The following RFXANK variants were observed in gnomAD, a reference collection of about 807,000 sequenced individuals.
RFXANK encodes the protein DNA-binding protein RFXANK.
RFXANK carries 19 observed loss-of-function variants against 34.5 expected under a neutral mutation model. The ratio of observed to expected loss-of-function variants is 0.55; its 90% CI spans 0.38 to 0.81. The LOEUF (loss-of-function observed/expected upper bound fraction) is 0.81. RFXANK is among the 30% of genes least tolerant of loss of function. The probability of loss-of-function intolerance (pLI) is 0.00; values close to 1 mark genes in which losing one functional copy is unlikely to be tolerated. For synonymous variants in RFXANK, 154 were observed against 149.8 expected, an observed-to-expected ratio of 1.03 and a Z score of -0.20; for missense variants, 295 against 343.5, an observed-to-expected ratio of 0.86 and a Z score of 1.12.
In RFXANK at chr19:19,192,259, T is replaced by A. The variant is rs1188381094; in HGVS notation, c.-445T>A. On this transcript the variant is annotated 5_prime_UTR_variant, in exon 1 of 10. Coordinates refer to ENST00000303088, the MANE Select transcript of RFXANK (RefSeq NM_003721.4). ...GGCCCGCCCTCCCCGCTCCTCAGTC[T>A]TTGCGGACAAGAAAGGGGCTGTGTG... The A allele has an allele frequency of 8.9e-7, 1 of 1,125,390 alleles. No individual in the cohort carries two copies. Among genetic ancestry groups the A allele is most frequent in the East Asian group, 2.6e-5 (1 of 38,342 alleles). The allele number at this position is 1,125,390 out of a possible 1,614,324, so 69.7% of individuals were successfully genotyped here. A position where few individuals can be genotyped will look rare whatever the true frequency, so the allele number is the denominator to read the frequency against.
intron 9 of RFXANK, chr19:19,200,768 C>T (rs1286006884): frequency 6.5e-6 from 1 of 154,856 alleles, no homozygotes. Flanking sequence ...ATTACAAGTG[C>T]CTGCCACCAC....
At chr19:19,195,323 C>T (rs2060580937) in intron 3 of RFXANK, among the ~76,000 whole-genome samples, 1 of 148,926 alleles carries the variant, frequency 6.7e-6, no homozygotes, top group Admixed American at 6.7e-5. Flanking sequence ...CCTGGATCCC[C>T]TCTCTTCTTG....
chr19:19,194,545 T>G (rs1330728237), intron 3 of RFXANK, among the ~76,000 whole-genome samples: 1 of 152,104 alleles, frequency 6.6e-6, no homozygotes, highest in Non-Finnish European at 1.5e-5. Flanking sequence ...CTGTTTTTGT[T>G]TTTTGATACA....
In RFXANK at chr19:19,201,788, C is replaced by A; in HGVS notation, c.*69C>A. 1.2e-6 allele frequency: 2 copies of A among 1,613,366 alleles called. No individual in the cohort carries two copies. Among genetic ancestry groups the A allele is most frequent in the South Asian group, 2.2e-5 (2 of 91,052 alleles). On this transcript the variant is annotated 3_prime_UTR_variant, in exon 10 of 10. Transcript: ENST00000303088. ...CAGCCAGAGCTGGGGAAACCCAGAA[C>A]TGACTTCAAAGGCAGCTTCTGGACA...
rs978912398 is a variant in RFXANK, at chr19:19,200,175, CTTT to C, written c.712+958_712+960del. 2.2e-3 allele frequency among the ~76,000 whole-genome samples: 259 copies of C among 120,368 alleles called. 1 individual carries two copies. In the East Asian group the frequency reaches 0.024, roughly 11 times the overall value. 79.0% of individuals were successfully genotyped at this position (120,368 alleles called of 152,430 possible). A position where few individuals can be genotyped will look rare whatever the true frequency, so the allele number is the denominator to read the frequency against. ...ATGCCTGGCTAATTTTTTGTTGTTGCTTTTTTTTTTTTTTTTTTTGGACATGGA... is the reference window on the plus strand; with the variant it reads ...ATGCCTGGCTAATTTTTTGTTGTTGCTTTTTTTTTTTTTTTTGGACATGGA... On this transcript the variant is annotated intron_variant, in intron 9 of 9. Transcript: ENST00000303088.
chr19:19,195,060 C>CT (rs2060573601), intron 3 of RFXANK, among the ~76,000 whole-genome samples: 1 of 126,148 alleles, frequency 7.9e-6, no homozygotes. Context: ...TTCTTTCTTT[C>CT]TTTTTTTGAG....
Position 19,197,040 on chromosome 19 carries a change from C to T in RFXANK, c.265C>T (p.Leu89=). 6.2e-7 allele frequency: 1 copy of T among 1,613,598 alleles called. No individual in the cohort carries two copies. Among genetic ancestry groups the T allele is most frequent in the Non-Finnish European group, 8.5e-7 (1 of 1,179,998 alleles). Residue 89 remains leucine, a synonymous_variant, in exon 4 of 10, where the codon CTA becomes TTA. Coordinates refer to ENST00000303088, the MANE Select transcript of RFXANK (RefSeq NM_003721.4). ...GNEVSALPAT[L]DSLSIHQLAA... ...CGAGGTGTCAGCTCTGCCGGCCACC[C>T]TAGACTGTGAGTGGGCCCACGGTCC...
At chr19:19,195,546 T>G (rs1415790572) in intron 3 of RFXANK, among the ~76,000 whole-genome samples, 1 of 151,402 alleles carries the variant, frequency 6.6e-6, no homozygotes, top group Non-Finnish European at 1.5e-5. Context: ...CTCAGGTGAT[T>G]GCCCGCCTCG....
In RFXANK at chr19:19,192,412, C is replaced by A. The variant is rs1404226933; in HGVS notation, c.-292C>A. On this transcript the variant is annotated 5_prime_UTR_variant, in exon 1 of 10. Coordinates refer to ENST00000303088, the MANE Select transcript of RFXANK (RefSeq NM_003721.4). ...TCTCTCCCTTTCTGAACCCCCTTTT[C>A]CTTGAGAGACGAGTTGGGGGAGTCC... The A allele has an allele frequency of 5.7e-6, 3 of 523,742 alleles. No individual in the cohort carries two copies. In the African/African-American group the frequency reaches 5.8e-5, roughly 10 times the overall value. The allele number at this position is 523,742 out of a possible 1,614,324, so 32.4% of individuals were successfully genotyped here. A position where few individuals can be genotyped will look rare whatever the true frequency, so the allele number is the denominator to read the frequency against.
Position 19,201,725 on chromosome 19 carries a change from G to A in RFXANK, c.*6G>A, listed in dbSNP as rs577525380. ...TGCCCGCTGACCCTGAGTGAAGGCC[G>A]CCTGCCGGGGACTCAGACACTCAGG... On this transcript the variant is annotated 3_prime_UTR_variant, in exon 10 of 10. Coordinates refer to ENST00000303088, the MANE Select transcript of RFXANK (RefSeq NM_003721.4). 4.0e-5 allele frequency: 65 copies of A among 1,613,840 alleles called. No homozygotes were observed. The East Asian group carries it at 1.1e-3, about 28-fold the overall frequency.
rs1050474 is a variant in RFXANK at position 19,201,839 on chromosome 19, G to A, written c.*120G>A. The A allele has an allele frequency of 3.7e-5, 60 of 1,611,476 alleles. No individual in the cohort carries two copies. Among genetic ancestry groups the A allele is most frequent in the Non-Finnish European group, 5.0e-5 (59 of 1,178,770 alleles). On this transcript the variant is annotated 3_prime_UTR_variant, in exon 10 of 10. Coordinates refer to ENST00000303088, the MANE Select transcript of RFXANK (RefSeq NM_003721.4). Reference sequence around the variant, plus strand: ...GGTGGTGGGAGGGGACCCTTCCCAAGAGGAACCAATAAACCTTCTGTGCAG... The same window carrying A: ...GGTGGTGGGAGGGGACCCTTCCCAAAAGGAACCAATAAACCTTCTGTGCAG...
chr19:19,197,459 GCAGCA>G lies in RFXANK; in HGVS notation c.338-60_338-56del, dbSNP rs2060620555. The stretch of plus-strand genomic sequence containing the variant: ...CAGCCCCCCACCTCGTCCCCATTTG[GCAGCA>G]CTGGGGATAGGGGGCAGGGGTGCAG... On this transcript the variant is annotated intron_variant, in intron 5 of 9. Coordinates refer to ENST00000303088, the MANE Select transcript of RFXANK (RefSeq NM_003721.4). 3.9e-6 allele frequency: 6 copies of G among 1,533,106 alleles called. No individual in the cohort carries two copies. The East Asian group carries it at 1.4e-4, about 35-fold the overall frequency. 95.0% of individuals were successfully genotyped at this position (1,533,106 alleles called of 1,614,324 possible). A position where few individuals can be genotyped will look rare whatever the true frequency, so the allele number is the denominator to read the frequency against.
At chr19:19,200,624 C>T (rs1203759769) in intron 9 of RFXANK, among the ~76,000 whole-genome samples, 1 of 150,666 alleles carries the variant, frequency 6.6e-6, no homozygotes, top group African/African-American at 2.4e-5. Flanking sequence ...TTTTTAAAAT[C>T]TTTTTTATTT....
In RFXANK at chr19:19,198,164, A is replaced by T; in HGVS notation, c.496A>T (p.Thr166Ser). 1 of 1,614,180 alleles carries T rather than the reference A, an allele frequency of 6.2e-7. No individual in the cohort carries two copies. Among genetic ancestry groups the T allele is most frequent in the South Asian group, 1.1e-5 (1 of 91,086 alleles). Residue 166 changes from threonine to serine, a missense_variant, in exon 7 of 10, where the codon ACA becomes TCA. Physicochemically the swap from Thr to Ser is moderately conservative, Grantham distance 58 (BLOSUM62 1). Coordinates refer to ENST00000303088, the MANE Select transcript of RFXANK (RefSeq NM_003721.4). ...AGAGAGCGCCCTGTCGCTGGCCAGC[A>T]CAGGCGGCTACACAGACATTGTGGG... is the stretch of plus-strand genomic sequence containing the variant. ...ERESALSLAS[T>S]GGYTDIVGLL...
rs750773472 is a variant in RFXANK at position 19,197,506 on chromosome 19, G to T, written c.338-15G>T. 3 of 1,612,158 alleles carry T rather than the reference G, an allele frequency of 1.9e-6. No homozygotes were observed. The highest frequency in any genetic ancestry group is 1.7e-6 in the Non-Finnish European group (2 of 1,179,204). On this transcript the variant is annotated splice_polypyrimidine_tract_variant and intron_variant, in intron 5 of 9. Transcript: ENST00000303088. The stretch of plus-strand genomic sequence containing the variant: ...GGGGTGCAGCCTGGTGGTATTGCCC[G>T]CCTCCTCCTGCCAGGTGACAACCTC...
At chr19:19,195,628 C>G (rs1302387827) in intron 3 of RFXANK, among the ~76,000 whole-genome samples, 37 of 151,934 alleles carry the variant, frequency 2.4e-4, no homozygotes, top group Non-Finnish European at 1.5e-5. Context: ...CTTTGACTTC[C>G]TAAGATCTCG....
chr19:19,197,215 G>C lies in RFXANK; in HGVS notation c.301G>C (p.Gly101Arg), dbSNP rs369526502. The change falls in exon 5 of 10, where the codon GGG (glycine) becomes CGG (arginine). Residue 101 changes from glycine to arginine, a missense_variant. Gly to Arg is a moderately radical substitution (Grantham distance 125). Transcript: ENST00000303088. ...GTCCATCCACCAGCTCGCAGCACAG[G>C]GGGAGCTGGACCAGCTGAAGGAGCA... ...SLSIHQLAAQ[G>R]ELDQLKEHLR... is the part of the protein sequence containing the mutation. 3 of 1,613,548 alleles carry C rather than the reference G, an allele frequency of 1.9e-6. No individual in the cohort carries two copies. Among genetic ancestry groups the C allele is most frequent in the Non-Finnish European group, 2.5e-6 (3 of 1,180,054 alleles).
At position 19,192,492 on chromosome 19, in the gene RFXANK, C is replaced by T; in HGVS notation, c.-212C>T. 1 of 308,958 alleles carries T rather than the reference C, an allele frequency of 3.2e-6. No homozygotes were observed. 19.1% of individuals were successfully genotyped at this position (308,958 alleles called of 1,614,324 possible). ...ACTCCCTTCTTTAGCCCTCTGCCCC[C>T]GCCCTTGCTTATAAGCCTTTGAGAC... On this transcript the variant is annotated 5_prime_UTR_variant, in exon 1 of 10. Transcript: ENST00000303088.
intron 3 of RFXANK, 44 bp downstream of exon 3, chr19:19,194,177 G>C: frequency 3.9e-6 from 6 of 1,554,108 alleles, no homozygotes; most frequent in Non-Finnish European, 5.3e-6. Flanking sequence ...ATTCCATGAT[G>C]ATGGAATGTC....
Sources: allele counts gnomAD v4.1 joint callset (sites outside exome capture counted in the v4.1 genomes callset), GRCh38; gene constraint gnomAD v4.1.1; transcripts MANE v1.5; gene names NCBI Gene and HGNC (gene_info 2026-07-23, HGNC 2026-07-21).